The following HPS5 variants were observed in gnomAD, a reference collection of about 807,000 sequenced individuals.
The protein encoded by HPS5 is HPS5 biogenesis of lysosomal organelles complex 2 subunit 2, also known as BLOC-2 complex member HPS5.
In HPS5, 83 loss-of-function variants were observed where a neutral mutation model predicts 128.0. The ratio of observed to expected loss-of-function variants is 0.65; its 90% CI spans 0.54 to 0.78. HPS5 has a LOEUF of 0.78. Among genes scored for constraint, HPS5 ranks in the 30% least tolerant of loss-of-function variants. The probability of loss-of-function intolerance (pLI) is 0.00; values close to 1 mark genes in which losing one functional copy is unlikely to be tolerated. For missense variants in HPS5, 1,281 were observed against 1,326.2 expected (o/e 0.97, Z 0.53); for synonymous variants, 475 against 470.2 (o/e 1.01, Z -0.13).
chr11:18,298,086 A>G (rs529672638), intron 10 of HPS5, among the ~76,000 whole-genome samples: 4 of 144,164 alleles, frequency 2.8e-5, no homozygotes, highest in African/African-American at 1.0e-4. Context: ...ACTTCATCTC[A>G]AAAAAAAAAA....
chr11:18,285,700 T>C (rs536821055), intron 19 of HPS5, among the ~76,000 whole-genome samples: 79 of 152,332 alleles, frequency 5.2e-4, no homozygotes, highest in Non-Finnish European at 9.6e-4. Flanking sequence ...CTTCTTTTAA[T>C]TCTATCATTC....
At chr11:18,300,205 C>T (rs1414663791) in intron 9 of HPS5, among the ~76,000 whole-genome samples, 1 of 152,112 alleles carries the variant, frequency 6.6e-6, no homozygotes, top group Non-Finnish European at 1.5e-5. Flanking sequence ...GTACACTATA[C>T]ACTGCATGTA....
intron 6 of HPS5, 144 bp from the exon 7 acceptor site, chr11:18,306,491 T>A: frequency 1.6e-6 from 1 of 633,058 alleles, no homozygotes; most frequent in East Asian, 2.7e-5. Context: ...AAAAAAACAA[T>A]AGAATGGAAA....
At chr11:18,317,223 C>T (rs1316071398) in intron 2 of HPS5, among the ~76,000 whole-genome samples, 4 of 149,670 alleles carry the variant, frequency 2.7e-5, no homozygotes, top group Admixed American at 2.7e-4. Flanking sequence ...TAAGAGACTA[C>T]TGTTTCATTC....
chr11:18,311,629 G>A (rs1401861506), intron 3 of HPS5, 178 bp from the exon 4 acceptor site: 8 of 542,834 alleles, frequency 1.5e-5, no homozygotes, highest in East Asian at 1.4e-4. Flanking sequence ...TCCTGCCTCC[G>A]CCTCCCAAGT....
At chr11:18,288,068 A>C in intron 16 of HPS5, 55 bp from the exon 17 acceptor site, 4 of 1,595,166 alleles carry the variant, frequency 2.5e-6, no homozygotes, top group South Asian at 1.1e-5. Flanking sequence ...GGAAATATTC[A>C]ATTTATGAAC....
intron 22 of HPS5, 133 bp from the exon 23 acceptor site, chr11:18,280,075 A>C (rs1858675527): frequency 1.2e-6 from 1 of 864,618 alleles, no homozygotes; most frequent in South Asian, 1.5e-5. Context: ...CACAATGCAC[A>C]GAGTGAAAAG....
intron 21 of HPS5, 90 bp from the exon 22 acceptor site, chr11:18,282,310 C>T: frequency 1.4e-6 from 2 of 1,414,524 alleles, no homozygotes; most frequent in Non-Finnish European, 2.0e-6. Context: ...ATGTTTAATG[C>T]CAAAACGTAA....
intron 1 of HPS5, among the ~76,000 whole-genome samples, chr11:18,319,228 T>C (rs1864001998): frequency 6.7e-6 from 1 of 149,844 alleles, no homozygotes; most frequent in South Asian, 2.1e-4. Context: ...AGTCAGTCAG[T>C]TTATAATACG....
chr11:18,310,879 T>A lies in HPS5; in HGVS notation c.339A>T (p.Glu113Asp). Residue 113 changes from glutamate (E) to aspartate (D), a missense_variant, in exon 5 of 23, where the codon GAA becomes GAT. Physicochemically the swap from Glu to Asp is conservative, Grantham distance 45 (BLOSUM62 2). Transcript: ENST00000349215. ...TGTGTTCTGAAGACACATACATTTGTTCCGGTTTCCCACGACGCTCTTGAT... is the reference window on the plus strand; with the variant it reads ...TGTGTTCTGAAGACACATACATTTGATCCGGTTTCCCACGACGCTCTTGAT... ...ELNQERRGKP[E>D]QMYVSSEHKG... 6.2e-7 allele frequency: 1 copy of A among 1,609,042 alleles called. No individual in the cohort carries two copies. The highest frequency in any genetic ancestry group is 8.5e-7 in the Non-Finnish European group (1 of 1,178,146).
At chr11:18,301,890 T>C (rs1047749411) in intron 8 of HPS5, among the ~76,000 whole-genome samples, 1 of 152,164 alleles carries the variant, frequency 6.6e-6, no homozygotes, top group South Asian at 2.1e-4. Flanking sequence ...ATATGCAGGA[T>C]AGTCTGGCTC....
chr11:18,289,027 A>G (rs944878261), intron 16 of HPS5, among the ~76,000 whole-genome samples: 3 of 151,818 alleles, frequency 2.0e-5, no homozygotes, highest in Admixed American at 2.0e-4. Context: ...GGGTCTTGCT[A>G]CGTTGCCTAA....
chr11:18,317,348 C>T (rs747543070), intron 2 of HPS5, among the ~76,000 whole-genome samples: 39 of 151,846 alleles, frequency 2.6e-4, no homozygotes, highest in Admixed American at 3.9e-4. Context: ...CTCCACCTCC[C>T]GGGTTCAAGT....
chr11:18,311,511 A>ATT lies in HPS5; in HGVS notation c.220-62_220-61dup, dbSNP rs11376847. On this transcript the variant is annotated intron_variant, in intron 3 of 22. Coordinates refer to ENST00000349215, the MANE Select transcript of HPS5 (RefSeq NM_181507.2). Reference sequence around the variant, plus strand: ...CAAGTTTTACATTATTATTATTATTATTTTTTTTTTTTTTTTTGAGACTGA... The same window carrying ATT: ...CAAGTTTTACATTATTATTATTATTATTTTTTTTTTTTTTTTTTTGAGACTGA... 27,713 of 526,624 alleles carry ATT rather than the reference A, an allele frequency of 0.053. 520 individuals are homozygous for ATT. The highest frequency in any genetic ancestry group is 0.09 in the Admixed American group (2,003 of 22,288). 32.6% of individuals were successfully genotyped at this position (526,624 alleles called of 1,614,324 possible).
chr11:18,317,308 T>G (rs948372114), intron 2 of HPS5, among the ~76,000 whole-genome samples: 2 of 150,856 alleles, frequency 1.3e-5, no homozygotes, highest in African/African-American at 4.9e-5. Context: ...CAGGCTACAG[T>G]GCAGTGGCAT....
chr11:18,296,904 G>A lies in HPS5; in HGVS notation c.1404C>T (p.Cys468=), dbSNP rs1158586613. ...CTGAGAGGGTTTGGCTGTGAAGGGAGCAAGAGTCTTCATCTGACTGACTGC... is the reference window on the plus strand; with the variant it reads ...CTGAGAGGGTTTGGCTGTGAAGGGAACAAGAGTCTTCATCTGACTGACTGC... ...RRGSQSDEDS[C]SLHSQTLSED... Residue 468 remains cysteine (C), a synonymous_variant, in exon 12 of 23, where the codon TGC becomes TGT. Coordinates refer to ENST00000349215, the MANE Select transcript of HPS5 (RefSeq NM_181507.2). 8.1e-6 allele frequency: 13 copies of A among 1,611,198 alleles called. No homozygotes were observed. Among genetic ancestry groups the A allele is most frequent in the Admixed American group, 1.7e-5 (1 of 59,968 alleles).
chr11:18,315,608 A>G (rs1422432195), intron 2 of HPS5, among the ~76,000 whole-genome samples: 1 of 151,212 alleles, frequency 6.6e-6, no homozygotes, highest in Non-Finnish European at 1.5e-5. Flanking sequence ...GTGAAACTCT[A>G]TCTTAAAAAA....
At position 18,302,281 on chromosome 11, in the gene HPS5, T is replaced by C. The variant is rs59942381; in HGVS notation, c.897-1365A>G. Reference sequence around the variant, plus strand: ...ATTTATTCTCTCAAGGCTGCTACTATTTTTTATATACCACTGGTAATCTCC... The same window carrying C: ...ATTTATTCTCTCAAGGCTGCTACTACTTTTTATATACCACTGGTAATCTCC... On this transcript the variant is annotated intron_variant, in intron 8 of 22. Transcript: ENST00000349215. 2.4e-3 allele frequency among the ~76,000 whole-genome samples: 363 copies of C among 152,274 alleles called. 3 individuals carry two copies. The highest frequency in any genetic ancestry group is 8.2e-3 in the African/African-American group (341 of 41,540).
Position 18,292,952 on chromosome 11 carries a change from T to A in HPS5, c.1809A>T (p.Pro603=), listed in dbSNP as rs1860602696. The part of the protein sequence containing the change: ...DTEEEKEVTS[P]PPEEDRFQEL... ...CCTGGAACCTGTCTTCTTCTGGAGG[T>A]GGACTAGTTACCTCTTTTTCCTCCC... The change falls in exon 15 of 23, where the codon CCA becomes CCT. Residue 603 remains proline (P), a synonymous_variant. Transcript: ENST00000349215. The A allele has an allele frequency of 3.7e-6, 6 of 1,613,998 alleles. No homozygotes were observed. The East Asian group carries it at 1.3e-4, about 36-fold the overall frequency.
Sources: gnomAD v4.1 joint callset for allele counts (sites outside exome capture counted in the v4.1 genomes callset) on GRCh38, gnomAD v4.1.1 for gene constraint, MANE v1.5 for transcripts, NCBI Gene and HGNC (gene_info 2026-07-23, HGNC 2026-07-21) for gene names.